MLLT3: variants seen among roughly 807,000 people sequenced by gnomAD.
The protein encoded by MLLT3 is MLLT3 super elongation complex subunit.
A neutral mutation model predicts 53.2 loss-of-function variants in MLLT3; 4 were observed. The observed-to-expected ratio is 0.08, with a 90% CI of 0.04 to 0.17. The LOEUF (loss-of-function observed/expected upper bound fraction) is 0.17. Among genes scored for constraint, MLLT3 ranks in the 10% least tolerant of loss-of-function variants. The pLI is 1.00. For synonymous variants in MLLT3, 283 were observed against 230.6 expected, an observed-to-expected ratio of 1.23 and a Z score of -2.06; for missense variants, 569 against 684.0, an observed-to-expected ratio of 0.83 and a Z score of 1.87.
At position 20,414,363 on chromosome 9, in the gene MLLT3, G is replaced by A. The variant is rs542161456; in HGVS notation, c.483C>T (p.Ser161=). The A allele has an allele frequency of 2.5e-6, 4 of 1,604,600 alleles. No individual in the cohort carries two copies. Among genetic ancestry groups the A allele is most frequent in the East Asian group, 2.2e-5 (1 of 44,744 alleles). ...SSSSSSSSSS[S]SSSSSSSSSS... Reference sequence around the variant, plus strand: ...TGCTGCTACTGCTGCTGCTGCTGCTGCTGCTGCTGCTGCTACTGCTGCTGC... The same window carrying A: ...TGCTGCTACTGCTGCTGCTGCTGCTACTGCTGCTGCTGCTACTGCTGCTGC... The change falls in exon 5 of 11, where the codon AGC becomes AGT. Residue 161 remains serine, a synonymous_variant. Coordinates refer to ENST00000380338, the MANE Select transcript of MLLT3 (RefSeq NM_004529.4).
chr9:20,360,338 A>T (rs1821283088), intron 8 of MLLT3, among the ~76,000 whole-genome samples: 1 of 152,212 alleles, frequency 6.6e-6, no homozygotes. Flanking sequence ...GAGAATCAAA[A>T]GCTAAAAGTT....
intron 2 of MLLT3, among the ~76,000 whole-genome samples, chr9:20,599,171 G>A (rs1820351729): frequency 6.6e-6 from 1 of 152,026 alleles, no homozygotes; most frequent in African/African-American, 2.4e-5. Flanking sequence ...GGGCATGGTG[G>A]CACGCGCCTG....
chr9:20,561,972 C>A (rs1038822894), intron 2 of MLLT3, among the ~76,000 whole-genome samples: 2 of 152,082 alleles, frequency 1.3e-5, no homozygotes, highest in African/African-American at 2.4e-5. Context: ...GATTAGGGAA[C>A]AGAAGTAAGG....
chr9:20,519,069 T>C (rs943836171), intron 2 of MLLT3, among the ~76,000 whole-genome samples: 3 of 152,172 alleles, frequency 2.0e-5, no homozygotes, highest in Admixed American at 1.3e-4. Context: ...AAGTTGGAAA[T>C]ACTTATTAAC....
intron 2 of MLLT3, chr9:20,533,128 C>A: frequency 3.7e-6 from 1 of 268,070 alleles, no homozygotes; most frequent in Admixed American, 4.3e-5. Context: ...AAGTCTGGGA[C>A]ATCTAGTTCA....
At chr9:20,585,926 G>A (rs894838585) in intron 2 of MLLT3, among the ~76,000 whole-genome samples, 7 of 152,092 alleles carry the variant, frequency 4.6e-5, no homozygotes, top group African/African-American at 1.7e-4. Context: ...AATCACCAAT[G>A]GTCAGCCTGA....
At chr9:20,475,011 C>G (rs1486027657) in intron 2 of MLLT3, among the ~76,000 whole-genome samples, 1 of 151,982 alleles carries the variant, frequency 6.6e-6, no homozygotes, top group African/African-American at 2.4e-5. Flanking sequence ...ACCCATCAAG[C>G]CAAAGCTTTA....
At chr9:20,592,923 C>T (rs772373233) in intron 2 of MLLT3, among the ~76,000 whole-genome samples, 6 of 152,112 alleles carry the variant, frequency 3.9e-5, no homozygotes, top group Non-Finnish European at 8.8e-5. Flanking sequence ...TCATCCATCC[C>T]CACTGATAAA....
chr9:20,504,910 CAT>C (rs1243027066), intron 2 of MLLT3, among the ~76,000 whole-genome samples: 1 of 151,638 alleles, frequency 6.6e-6, no homozygotes, highest in African/African-American at 2.4e-5. Context: ...TGATGAGACC[CAT>C]GTTTTCAGAA....
At chr9:20,581,459 C>T (rs1372511667) in intron 2 of MLLT3, among the ~76,000 whole-genome samples, 1 of 152,090 alleles carries the variant, frequency 6.6e-6, no homozygotes, top group Non-Finnish European at 1.5e-5. Context: ...TTCTAAGAGG[C>T]CACTTTAATG....
chr9:20,346,546 T>C lies in MLLT3; in HGVS notation c.1604A>G (p.His535Arg). The C allele has an allele frequency of 6.2e-7, 1 of 1,613,764 alleles. No individual in the cohort carries two copies. The highest frequency in any genetic ancestry group is 8.5e-7 in the Non-Finnish European group (1 of 1,179,744). The change falls in exon 11 of 11, where the codon CAC (histidine) becomes CGC (arginine). Residue 535 changes from histidine (H) to arginine (R), a missense_variant. Physicochemically the swap from His to Arg is conservative, Grantham distance 29. Around this residue, in one of 5 missense-constraint regions of MLLT3, gnomAD observed 45 missense variants for 85.5 expected, o/e 0.53. Coordinates refer to ENST00000380338, the MANE Select transcript of MLLT3 (RefSeq NM_004529.4). ...AAATGTTGTGTTTGTGATATGAAAG[T>C]GTCCAGTTTCTTCTATAAGGTTCAC... ...QIVNLIEETGHFHITNTTFDF... is the reference protein window; with the variant it reads ...QIVNLIEETGRFHITNTTFDF...
chr9:20,505,281 T>A (rs765151273), intron 2 of MLLT3, among the ~76,000 whole-genome samples: 1 of 152,172 alleles, frequency 6.6e-6, no homozygotes, highest in African/African-American at 2.4e-5. Flanking sequence ...TAAAACATCA[T>A]CCATAAATGG....
intron 5 of MLLT3, among the ~76,000 whole-genome samples, chr9:20,376,260 T>C (rs569063285): frequency 2.6e-5 from 4 of 152,284 alleles, no homozygotes; most frequent in African/African-American, 9.6e-5. Flanking sequence ...TGCTCTCCAT[T>C]TGTATTACGA....
intron 3 of MLLT3, among the ~76,000 whole-genome samples, chr9:20,456,064 A>G (rs1052312240): frequency 6.0e-5 from 9 of 149,788 alleles, no homozygotes; most frequent in African/African-American, 2.0e-4. Flanking sequence ...TCAGCCTCCT[A>G]TGTAGCTGTA....
intron 4 of MLLT3, among the ~76,000 whole-genome samples, chr9:20,445,795 C>A (rs1049451800): frequency 1.2e-4 from 18 of 152,180 alleles, no homozygotes; most frequent in South Asian, 1.0e-3. Flanking sequence ...TATGTCAACA[C>A]ATAATTTTTA....
chr9:20,544,648 G>A (rs1437683431), intron 2 of MLLT3, among the ~76,000 whole-genome samples: 2 of 152,220 alleles, frequency 1.3e-5, no homozygotes, highest in East Asian at 3.8e-4. Flanking sequence ...ATACAAAATG[G>A]TAGAGCTGCT....
chr9:20,571,636 C>T (rs1280237454), intron 2 of MLLT3, among the ~76,000 whole-genome samples: 7 of 152,046 alleles, frequency 4.6e-5, no homozygotes, highest in African/African-American at 1.4e-4. Flanking sequence ...TTCCCCATCC[C>T]GGGTCCATGT....
At chr9:20,410,860 A>G (rs1822710555) in intron 5 of MLLT3, among the ~76,000 whole-genome samples, 1 of 152,152 alleles carries the variant, frequency 6.6e-6, no homozygotes, top group Non-Finnish European at 1.5e-5. Flanking sequence ...ACAAATAATC[A>G]TTTTCCCCAG....
Position 20,531,079 on chromosome 9 carries a change from C to CTTT in MLLT3, c.194-74296_194-74294dup, listed in dbSNP as rs371687632. Among the ~76,000 whole-genome samples the CTTT allele has an allele frequency of 9.6e-5, 12 of 125,248 alleles. No homozygotes were observed. In the East Asian group the frequency reaches 2.0e-3, roughly 21 times the overall value. 82.2% of individuals were successfully genotyped at this position (125,248 alleles called of 152,430 possible). A position where few individuals can be genotyped will look rare whatever the true frequency, so the allele number is the denominator to read the frequency against. On this transcript the variant is annotated intron_variant, in intron 2 of 10. Transcript: ENST00000380338. ...AAGAATAATCCAGTTTTGCTTTTAG[C>CTTT]TTTTTTTTTTTTTTTTGATACATTG...
Sources: allele counts gnomAD v4.1 joint callset (sites outside exome capture counted in the v4.1 genomes callset), GRCh38; gene constraint gnomAD v4.1.1; regional missense constraint gnomAD v4.1.1; transcripts MANE v1.5; gene names NCBI Gene and HGNC (gene_info 2026-07-23, HGNC 2026-07-21).